Variants in DNAJC13 observed in about 807,000 individuals in gnomAD.
DNAJC13 encodes the protein DnaJ heat shock protein family (Hsp40) member C13.
DNAJC13 carries 75 observed loss-of-function variants against 290.5 expected under a neutral mutation model. The ratio of observed to expected loss-of-function variants is 0.26; its 90% CI spans 0.21 to 0.31. DNAJC13 has a LOEUF of 0.31. DNAJC13 is among the 10% of genes least tolerant of loss of function. The pLI is 1.00. For missense variants in DNAJC13, 2,260 were observed against 2,674.5 expected (o/e 0.85, Z 3.42); for synonymous variants, 862 against 892.0 (o/e 0.97, Z 0.60).
chr3:132,445,961 A>G (rs971257627), intron 2 of DNAJC13, among the ~76,000 whole-genome samples: 2 of 152,084 alleles, frequency 1.3e-5, no homozygotes, highest in Non-Finnish European at 2.9e-5. Flanking sequence ...TAGGCTTCCT[A>G]CTTCTATAAA....
At chr3:132,468,660 C>G (rs1934082623) in intron 20 of DNAJC13, among the ~76,000 whole-genome samples, 1 of 152,036 alleles carries the variant, frequency 6.6e-6, no homozygotes. Context: ...ATAACAATAC[C>G]TCCCTTCTCT....
intron 30 of DNAJC13, among the ~76,000 whole-genome samples, chr3:132,488,748 A>T (rs937311932): frequency 1.3e-5 from 2 of 152,014 alleles, no homozygotes; most frequent in Non-Finnish European, 2.9e-5. Flanking sequence ...AAGTTTAATA[A>T]TTTTTTTATA....
chr3:132,434,876 C>T (rs908044978), intron 2 of DNAJC13, among the ~76,000 whole-genome samples: 1 of 152,138 alleles, frequency 6.6e-6, no homozygotes, highest in Admixed American at 6.5e-5. Flanking sequence ...AGTTAATCCA[C>T]GCTCTTGTAT....
chr3:132,470,628 A>C (rs1174715733), intron 20 of DNAJC13, among the ~76,000 whole-genome samples: 4 of 108,092 alleles, frequency 3.7e-5, no homozygotes, highest in Non-Finnish European at 5.7e-5. Flanking sequence ...TGACCCCCCC[A>C]CCTCCCTCCC....
At chr3:132,418,538 G>T (rs1938865980) in intron 1 of DNAJC13, among the ~76,000 whole-genome samples, 1 of 152,134 alleles carries the variant, frequency 6.6e-6, no homozygotes, top group African/African-American at 2.4e-5. Context: ...GGGGAAAAAA[G>T]TAAAGATTTC....
At chr3:132,479,362 G>A (rs1253208451) in intron 25 of DNAJC13, 73 bp downstream of exon 25, 4 of 1,062,294 alleles carry the variant, frequency 3.8e-6, no homozygotes, top group African/African-American at 1.6e-5. Context: ...CACAGTTTGA[G>A]TTGATTATCC....
chr3:132,518,344 C>T (rs184523000), intron 48 of DNAJC13, among the ~76,000 whole-genome samples: 35 of 152,190 alleles, frequency 2.3e-4, no homozygotes, highest in Non-Finnish European at 4.7e-4. Context: ...ATTCTAGAAC[C>T]GGGGTCGGTA....
chr3:132,490,599 A>C (rs1576495840), intron 31 of DNAJC13, among the ~76,000 whole-genome samples: 1 of 152,196 alleles, frequency 6.6e-6, no homozygotes, highest in Non-Finnish European at 1.5e-5. Flanking sequence ...TTACTGTTAC[A>C]CATGGTCAAA....
chr3:132,475,166 T>C lies in DNAJC13; in HGVS notation c.2445+81T>C, dbSNP rs951847599. On this transcript the variant is annotated intron_variant, in intron 22 of 55. Coordinates refer to ENST00000260818, the MANE Select transcript of DNAJC13 (RefSeq NM_015268.4). ...GGGGAGTGATTTTTTTTAAAAAAAT[T>C]TGTAATTACATATCTGGTCTTTACC... The C allele has an allele frequency of 4.6e-6, 5 of 1,087,706 alleles. No individual in the cohort carries two copies. The East Asian group carries it at 1.3e-4, about 29-fold the overall frequency. The allele number at this position is 1,087,706 out of a possible 1,614,324, so 67.4% of individuals were successfully genotyped here. A position where few individuals can be genotyped will look rare whatever the true frequency, so the allele number is the denominator to read the frequency against.
At chr3:132,442,263 C>T (rs1291249401) in intron 2 of DNAJC13, among the ~76,000 whole-genome samples, 1 of 151,990 alleles carries the variant, frequency 6.6e-6, no homozygotes, top group African/African-American at 2.4e-5. Flanking sequence ...TCTCGATGTG[C>T]TGAGATTACA....
intron 20 of DNAJC13, among the ~76,000 whole-genome samples, chr3:132,472,019 G>A (rs866997388): frequency 1.1e-4 from 17 of 149,934 alleles, no homozygotes; most frequent in African/African-American, 3.7e-4. Flanking sequence ...TGAGGTTGGC[G>A]GGATCACTCG....
At chr3:132,522,806 A>T (rs79303841) in intron 48 of DNAJC13, 22 bp from the exon 49 acceptor site, 1 of 1,572,774 alleles carries the variant, frequency 6.4e-7, no homozygotes, top group African/African-American at 1.4e-5. Flanking sequence ...TGTCTTTTTC[A>T]TTCTCAAACT....
At chr3:132,518,615 C>A (rs1388280461) in intron 48 of DNAJC13, among the ~76,000 whole-genome samples, 3 of 152,182 alleles carry the variant, frequency 2.0e-5, no homozygotes, top group Non-Finnish European at 2.9e-5. Context: ...CCTTGGCCTC[C>A]AAAAGTGCTG....
At position 132,511,054 on chromosome 3, in the gene DNAJC13, C is replaced by T; in HGVS notation, c.5116-13C>T. On this transcript the variant is annotated splice_polypyrimidine_tract_variant and intron_variant, in intron 43 of 55. Transcript: ENST00000260818. ...GCACCCATGTTGTTTAAATACTTGT[C>T]TGCATTGATTAGGTTCCAAAAGCAT... 1 of 1,612,290 alleles carries T rather than the reference C, an allele frequency of 6.2e-7. No individual in the cohort carries two copies. Among genetic ancestry groups the T allele is most frequent in the Non-Finnish European group, 8.5e-7 (1 of 1,178,854 alleles).
intron 26 of DNAJC13, 102 bp from the exon 27 acceptor site, chr3:132,482,124 G>T (rs1934697094): frequency 2.4e-6 from 2 of 842,590 alleles, no homozygotes; most frequent in South Asian, 1.8e-5. Flanking sequence ...CTTTTAAAGG[G>T]ATATAAACCC....
At chr3:132,442,074 T>A (rs1933090060) in intron 2 of DNAJC13, among the ~76,000 whole-genome samples, 1 of 148,648 alleles carries the variant, frequency 6.7e-6, no homozygotes, top group African/African-American at 2.5e-5. Context: ...TAAAAAAAAA[T>A]CATGCTATAA....
intron 35 of DNAJC13, 141 bp downstream of exon 35, chr3:132,495,307 A>G: frequency 1.7e-6 from 1 of 597,388 alleles, no homozygotes; most frequent in Non-Finnish European, 2.8e-6. Flanking sequence ...TTCTGGCCAC[A>G]TGCCCATAGT....
intron 55 of DNAJC13, among the ~76,000 whole-genome samples, chr3:132,534,702 A>G (rs1189444535): frequency 1.3e-5 from 2 of 152,234 alleles, no homozygotes; most frequent in Non-Finnish European, 2.9e-5. Flanking sequence ...TAAAGCTTCT[A>G]ACTCTTGCTG....
intron 25 of DNAJC13, 57 bp downstream of exon 25, chr3:132,479,346 TAA>T: frequency 8.2e-7 from 1 of 1,216,744 alleles, no homozygotes; most frequent in Non-Finnish European, 1.2e-6. Context: ...GTATGTAAGA[TAA>T]ACTCACAGTT....
Sources: allele counts gnomAD v4.1 joint callset (sites outside exome capture counted in the v4.1 genomes callset), GRCh38; gene constraint gnomAD v4.1.1; transcripts MANE v1.5; gene names NCBI Gene and HGNC (gene_info 2026-07-23, HGNC 2026-07-21).